CTNND2: variants seen among roughly 807,000 people sequenced by gnomAD.
The protein encoded by CTNND2 is catenin delta 2, also known as catenin delta-2.
Under a neutral mutation model 144.4 loss-of-function variants are expected in CTNND2, and 22 were observed. That is an observed-to-expected ratio of 0.15 (90% CI 0.11 to 0.22). The LOEUF (loss-of-function observed/expected upper bound fraction) is 0.22. Among genes scored for constraint, CTNND2 ranks in the 10% least tolerant of loss-of-function variants. The pLI, the probability that CTNND2 is intolerant of heterozygous loss-of-function variation, is 1.00. For synonymous variants in CTNND2, 751 were observed against 695.6 expected, an observed-to-expected ratio of 1.08 and a Z score of -1.25; for missense variants, 1,353 against 1,618.8, an observed-to-expected ratio of 0.84 and a Z score of 2.82.
chr5:11,641,866 T>C (rs1782079843), intron 2 of CTNND2, among the ~76,000 whole-genome samples: 1 of 151,248 alleles, frequency 6.6e-6, no homozygotes, highest in South Asian at 2.1e-4. Context: ...ACATATATAT[T>C]TTGCCACACT....
intron 16 of CTNND2, among the ~76,000 whole-genome samples, chr5:11,033,787 G>C (rs1743759461): frequency 6.6e-6 from 1 of 152,154 alleles, no homozygotes; most frequent in Non-Finnish European, 1.5e-5. Flanking sequence ...CTGAGATCAT[G>C]CCACTGTACT....
chr5:11,250,519 A>AT (rs67476400), intron 9 of CTNND2, among the ~76,000 whole-genome samples: 6 of 83,216 alleles, frequency 7.2e-5, no homozygotes, highest in Non-Finnish European at 1.1e-4. Flanking sequence ...ATATACATAT[A>AT]TTTTTTTTTT....
At chr5:11,004,474 T>C (rs1290823499) in intron 18 of CTNND2, among the ~76,000 whole-genome samples, 1 of 152,188 alleles carries the variant, frequency 6.6e-6, no homozygotes, top group Admixed American at 6.5e-5. Context: ...TTCAAAATGC[T>C]TCTGACAGGC....
intron 10 of CTNND2, among the ~76,000 whole-genome samples, chr5:11,231,149 G>A (rs1041060159): frequency 7.9e-5 from 12 of 152,064 alleles, no homozygotes; most frequent in African/African-American, 1.7e-4. Flanking sequence ...TCCTGCCCCC[G>A]TGAAAAGGTG....
chr5:11,059,579 C>A (rs183848705), intron 16 of CTNND2, among the ~76,000 whole-genome samples: 34 of 152,294 alleles, frequency 2.2e-4, no homozygotes, highest in African/African-American at 8.2e-4. Flanking sequence ...TGTACATCAT[C>A]CGTACTACAG....
Position 10,973,165 on chromosome 5 carries a change from A to C in CTNND2, c.*288T>G. The C allele has an allele frequency of 3.4e-6, 1 of 290,394 alleles. No homozygotes were observed. The highest frequency in any genetic ancestry group is 6.3e-6 in the Non-Finnish European group (1 of 157,668). The allele number at this position is 290,394 out of a possible 1,614,324, so 18.0% of individuals were successfully genotyped here. A position where few individuals can be genotyped will look rare whatever the true frequency, so the allele number is the denominator to read the frequency against. On this transcript the variant is annotated 3_prime_UTR_variant, in exon 22 of 22. Coordinates refer to ENST00000304623, the MANE Select transcript of CTNND2 (RefSeq NM_001332.4). This position sits in a 1 kb window ranked among gnomAD's most constrained non-coding sequence, Gnocchi z 5.6. ...CGAATGCCTCGTCTCTCCTCCCATC[A>C]ACCACGTTCAGTATAAAGCACTTCT...
chr5:11,468,268 T>C (rs1766853743), intron 3 of CTNND2, among the ~76,000 whole-genome samples: 1 of 152,220 alleles, frequency 6.6e-6, no homozygotes, highest in Admixed American at 6.5e-5. Flanking sequence ...TCCTTAAGCA[T>C]CAGTCAGTCC....
chr5:11,614,966 A>G (rs186710382), intron 2 of CTNND2, among the ~76,000 whole-genome samples: 7 of 152,190 alleles, frequency 4.6e-5, no homozygotes, highest in African/African-American at 1.4e-4. Context: ...ATGATGCAAA[A>G]TATGTGTTTT....
intron 10 of CTNND2, among the ~76,000 whole-genome samples, chr5:11,208,598 T>C (rs1205217282): frequency 6.6e-6 from 1 of 152,126 alleles, no homozygotes; most frequent in Non-Finnish European, 1.5e-5. Context: ...GCTCACCACA[T>C]AAGGGATGAC....
intron 18 of CTNND2, among the ~76,000 whole-genome samples, chr5:11,002,206 G>A (rs1283269638): frequency 6.6e-6 from 1 of 152,256 alleles, no homozygotes; most frequent in African/African-American, 2.4e-5. Context: ...TTGGTTTCTG[G>A]ATGGGTCACC....
rs1367583569 is a variant in CTNND2 at position 11,804,606 on chromosome 5, T to C, written c.38-72334A>G. ...AAGAAGACAATTTGAAAAGGGTACA[T>C]ACCGAATGATTCCAATTGTATGGTA... On this transcript the variant is annotated intron_variant, in intron 1 of 21. Transcript: ENST00000304623. Among the ~76,000 whole-genome samples the C allele has an allele frequency of 2.6e-5, 4 of 152,138 alleles. No homozygotes were observed. In the East Asian group the frequency reaches 7.7e-4, roughly 29 times the overall value.
chr5:11,265,464 A>G (rs1745339642), intron 9 of CTNND2, among the ~76,000 whole-genome samples: 2 of 152,102 alleles, frequency 1.3e-5, no homozygotes, highest in African/African-American at 4.8e-5. Context: ...GGATGGTCCC[A>G]CCCTCTGCAA....
chr5:11,720,633 T>G (rs535779790), intron 2 of CTNND2, among the ~76,000 whole-genome samples: 4 of 152,286 alleles, frequency 2.6e-5, no homozygotes, highest in Non-Finnish European at 5.9e-5. Flanking sequence ...TTCACAGGTG[T>G]GGGTATGCTG....
chr5:10,982,042 T>A (rs1737351895), intron 20 of CTNND2, among the ~76,000 whole-genome samples, 196 bp from the exon 21 acceptor site: 1 of 152,094 alleles, frequency 6.6e-6, no homozygotes, highest in South Asian at 2.1e-4. Flanking sequence ...TTCTAGAAAA[T>A]CCCCACAGCA....
intron 1 of CTNND2, among the ~76,000 whole-genome samples, chr5:11,797,230 G>A (rs1052039230): frequency 7.9e-5 from 12 of 152,274 alleles, no homozygotes; most frequent in African/African-American, 2.4e-4. Flanking sequence ...AGTGATCACC[G>A]ATCATTTCGG....
intron 11 of CTNND2, among the ~76,000 whole-genome samples, chr5:11,176,155 T>C (rs1760459687): frequency 6.6e-6 from 1 of 152,128 alleles, no homozygotes; most frequent in Non-Finnish European, 1.5e-5. Context: ...ATGCCCAATA[T>C]CATTATTTTT....
At chr5:11,454,455 T>C (rs1436801139) in intron 3 of CTNND2, among the ~76,000 whole-genome samples, 1 of 152,124 alleles carries the variant, frequency 6.6e-6, no homozygotes, top group East Asian at 1.9e-4. Flanking sequence ...AAAATTAAAT[T>C]CATTAACATA....
At chr5:11,241,924 C>T (rs990555289) in intron 9 of CTNND2, among the ~76,000 whole-genome samples, 2 of 141,708 alleles carry the variant, frequency 1.4e-5, no homozygotes, top group African/African-American at 5.4e-5. Context: ...GTGGAGTCAC[C>T]GGGGGTGGGG....
chr5:11,586,762 T>C (rs1441979999), intron 2 of CTNND2, among the ~76,000 whole-genome samples: 1 of 152,232 alleles, frequency 6.6e-6, no homozygotes, highest in Non-Finnish European at 1.5e-5. Context: ...CTATTTTTTG[T>C]TAATTGTGTG....
Sources: allele counts gnomAD v4.1 joint callset (sites outside exome capture counted in the v4.1 genomes callset), GRCh38; gene constraint gnomAD v4.1.1; non-coding constraint Gnocchi (gnomAD v3.1); transcripts MANE v1.5; gene names NCBI Gene and HGNC (gene_info 2026-07-23, HGNC 2026-07-21).